The following SYT16 variants were observed in gnomAD, a reference collection of about 807,000 sequenced individuals.
The protein encoded by SYT16 is synaptotagmin-16.
SYT16 carries 42 observed loss-of-function variants against 61.4 expected under a neutral mutation model. That is an observed-to-expected ratio of 0.68 (90% CI 0.53 to 0.89). The LOEUF (loss-of-function observed/expected upper bound fraction) is 0.89, where lower values mean the gene tolerates loss of function less well. Among genes scored for constraint, SYT16 ranks in the 40% least tolerant of loss-of-function variants. The pLI is 0.00. For missense variants in SYT16, 804 were observed against 807.3 expected, an observed-to-expected ratio of 1.00 and a Z score of 0.05; for synonymous variants, 314 against 302.3, an observed-to-expected ratio of 1.04 and a Z score of -0.40.
rs371495113 is a variant in SYT16 at position 62,084,210 on chromosome 14, G to A, written c.1449G>A (p.Pro483=). 1.7e-4 allele frequency: 270 copies of A among 1,613,518 alleles called. 1 individual carries two copies. Among genetic ancestry groups the A allele is most frequent in the Admixed American group, 1.2e-3 (71 of 59,970 alleles). The change falls in exon 7 of 8, where the codon CCG becomes CCA. Residue 483 remains proline, a synonymous_variant. Transcript: ENST00000683842. ...TTCCCCTCCAGAGTGGAGGGTCTCCGCTCAGCCCATCTGCGGTTTCTCACA... is the reference window on the plus strand; with the variant it reads ...TTCCCCTCCAGAGTGGAGGGTCTCCACTCAGCCCATCTGCGGTTTCTCACA... The part of the protein sequence containing the change: ...PRSNISSGGS[P]LSPSAVSHSD...
intron 1 of SYT16, among the ~76,000 whole-genome samples, chr14:61,864,235 A>C (rs1455590084): frequency 6.6e-6 from 1 of 152,244 alleles, no homozygotes; most frequent in East Asian, 1.9e-4. Flanking sequence ...CTCCCCTTAC[A>C]GGCTGACGTT....
intron 3 of SYT16, among the ~76,000 whole-genome samples, chr14:62,048,837 A>G (rs1378001086): frequency 2.0e-5 from 3 of 152,208 alleles, no homozygotes; most frequent in African/African-American, 7.2e-5. Flanking sequence ...CTGTGGTCTG[A>G]GAGACAATTT....
chr14:61,910,530 G>T lies in SYT16; in HGVS notation c.-324-59602G>T, dbSNP rs866742879. Among the ~76,000 whole-genome samples, 1,033 of 142,748 alleles carry T rather than the reference G, an allele frequency of 7.2e-3. 9 individuals carry two copies. The highest frequency in any genetic ancestry group is 0.011 in the Non-Finnish European group (694 of 65,582). The allele number at this position is 142,748 out of a possible 152,430, so 93.6% of individuals were successfully genotyped here. ...CTGAGCCGCCGCATCCCGCTGTTTT[G>T]TTTTTTTTTTTTTTTTTTGAGACAG... is the stretch of plus-strand genomic sequence containing the variant. On this transcript the variant is annotated intron_variant, in intron 1 of 7. Coordinates refer to ENST00000683842, the MANE Select transcript of SYT16 (RefSeq NM_001367656.1).
At chr14:61,850,948 GGTTT>G (rs2046597143) in intron 1 of SYT16, among the ~76,000 whole-genome samples, 1 of 151,952 alleles carries the variant, frequency 6.6e-6, no homozygotes, top group Non-Finnish European at 1.5e-5. Context: ...AAGATGTGCA[GGTTT>G]GTTATATAGA....
Position 61,881,880 on chromosome 14 carries a change from C to G in SYT16, c.-325+69070C>G, listed in dbSNP as rs2047713330. ...TTTGAGAATATACCAGTAACATCCA[C>G]TAAGCCAGAAACCTTAACTCCTTAC... On this transcript the variant is annotated intron_variant, in intron 1 of 7. Transcript: ENST00000683842. 3.9e-5 allele frequency among the ~76,000 whole-genome samples: 6 copies of G among 152,314 alleles called. 1 individual carries two copies. The South Asian group carries it at 1.2e-3, about 32-fold the overall frequency.
intron 1 of SYT16, among the ~76,000 whole-genome samples, chr14:61,907,894 G>A (rs2048785949): frequency 6.6e-6 from 1 of 152,140 alleles, no homozygotes; most frequent in East Asian, 1.9e-4. Flanking sequence ...GTGAGCTTAC[G>A]TCGTGTTCCT....
chr14:62,036,397 A>T (rs1411134780), intron 3 of SYT16, among the ~76,000 whole-genome samples: 1 of 152,124 alleles, frequency 6.6e-6, no homozygotes, highest in African/African-American at 2.4e-5. Flanking sequence ...ACATGTGTCA[A>T]GAGTTCAGGA....
At chr14:62,053,469 C>G (rs2055401850) in intron 3 of SYT16, among the ~76,000 whole-genome samples, 1 of 152,210 alleles carries the variant, frequency 6.6e-6, no homozygotes, top group Admixed American at 6.5e-5. Context: ...CAGACCTTGG[C>G]ACTTCTCAGC....
intron 3 of SYT16, among the ~76,000 whole-genome samples, chr14:62,058,213 T>G (rs1411687961): frequency 1.3e-5 from 2 of 152,296 alleles, no homozygotes; most frequent in East Asian, 3.9e-4. Flanking sequence ...AGATTTTGAC[T>G]ATTACACATG....
chr14:62,082,931 T>C (rs2056759345), intron 6 of SYT16, among the ~76,000 whole-genome samples: 1 of 152,232 alleles, frequency 6.6e-6, no homozygotes, highest in South Asian at 2.1e-4. Flanking sequence ...CTGAGAGATT[T>C]ATACGGATTC....
intron 6 of SYT16, among the ~76,000 whole-genome samples, chr14:62,083,553 G>C (rs755885145): frequency 5.3e-5 from 8 of 152,206 alleles, no homozygotes; most frequent in Non-Finnish European, 1.0e-4. Context: ...GTGCCTGCCA[G>C]GTCGCTGAGA....
intron 1 of SYT16, among the ~76,000 whole-genome samples, chr14:61,848,880 G>C (rs927338378): frequency 6.6e-6 from 1 of 152,130 alleles, no homozygotes; most frequent in Non-Finnish European, 1.5e-5. Context: ...AGCAGAAGGA[G>C]TCTCTCCTTG....
At chr14:62,012,902 A>G (rs1221762345) in intron 3 of SYT16, among the ~76,000 whole-genome samples, 1 of 152,206 alleles carries the variant, frequency 6.6e-6, no homozygotes, top group African/African-American at 2.4e-5. Flanking sequence ...AGGGAAACTC[A>G]CATTAGCATG....
intron 1 of SYT16, among the ~76,000 whole-genome samples, chr14:61,954,397 T>G (rs1329935893): frequency 6.6e-6 from 1 of 151,916 alleles, no homozygotes; most frequent in Non-Finnish European, 1.5e-5. Context: ...GCATCTCTAT[T>G]TATGTCGTTA....
chr14:62,072,328 A>C lies in SYT16; in HGVS notation c.736+2513A>C, dbSNP rs143130370. On this transcript the variant is annotated intron_variant, in intron 4 of 7. Transcript: ENST00000683842. ...GGAGAACTAGAATCAGCAGGATTACATGCATATATGTACATACAAAATGTA... is the reference window on the plus strand; with the variant it reads ...GGAGAACTAGAATCAGCAGGATTACCTGCATATATGTACATACAAAATGTA... 4.3e-3 allele frequency among the ~76,000 whole-genome samples: 654 copies of C among 152,312 alleles called. 6 individuals are homozygous for C. Among genetic ancestry groups the C allele is most frequent in the African/African-American group, 0.015 (621 of 41,566 alleles).
intron 1 of SYT16, among the ~76,000 whole-genome samples, chr14:61,877,259 C>CTGGTGG (rs892831229): frequency 6.6e-6 from 1 of 152,132 alleles, no homozygotes; most frequent in Non-Finnish European, 1.5e-5. Flanking sequence ...GGTTTGACAT[C>CTGGTGG]TGGTTGGCAT....
chr14:62,048,602 T>G (rs968431481), intron 3 of SYT16, among the ~76,000 whole-genome samples: 4 of 152,248 alleles, frequency 2.6e-5, no homozygotes, highest in African/African-American at 9.6e-5. Context: ...CTGCTTTCTC[T>G]TGTGGGCATT....
rs190443480 is a variant in SYT16 at position 62,037,862 on chromosome 14, C to T, written c.524-31741C>T. Among the ~76,000 whole-genome samples, 17 of 152,190 alleles carry T rather than the reference C, an allele frequency of 1.1e-4. No individual in the cohort carries two copies. The East Asian group carries it at 3.1e-3, about 28-fold the overall frequency. On this transcript the variant is annotated intron_variant, in intron 3 of 7. Coordinates refer to ENST00000683842, the MANE Select transcript of SYT16 (RefSeq NM_001367656.1). ...TGCCTGCTTTGTGGCCCCCCAGAGC[C>T]TTCTAGTGTCATAGAAGAGGGAGCT...
rs2057488219 is a variant in SYT16, at chr14:62,104,981, A to G, written c.*4274A>G. On this transcript the variant is annotated 3_prime_UTR_variant, in exon 8 of 8. Transcript: ENST00000683842. Reference sequence around the variant, plus strand: ...GTGTCTTCTTTTTCTAGCAAATGTTATTATAACACTAGAGAAAAACAAAAA... The same window carrying G: ...GTGTCTTCTTTTTCTAGCAAATGTTGTTATAACACTAGAGAAAAACAAAAA... The G allele has an allele frequency of 6.6e-6, 1 of 152,194 alleles. No individual in the cohort carries two copies. The highest frequency in any genetic ancestry group is 2.1e-4 in the South Asian group (1 of 4,832). The allele number at this position is 152,194 out of a possible 1,614,324, so 9.4% of individuals were successfully genotyped here. A position where few individuals can be genotyped will look rare whatever the true frequency, so the allele number is the denominator to read the frequency against.
Sources: gnomAD v4.1 joint callset for allele counts (sites outside exome capture counted in the v4.1 genomes callset) on GRCh38, gnomAD v4.1.1 for gene constraint, MANE v1.5 for transcripts, NCBI Gene and HGNC (gene_info 2026-07-23, HGNC 2026-07-21) for gene names.